The following CENPE variants were observed in gnomAD, a reference collection of about 807,000 sequenced individuals.
The protein encoded by CENPE is centromere protein E.
In CENPE, 145 loss-of-function variants were observed where a neutral mutation model predicts 336.1. That is an observed-to-expected ratio of 0.43 (90% CI 0.38 to 0.50). The LOEUF (loss-of-function observed/expected upper bound fraction) is 0.50. Among genes scored for constraint, CENPE ranks in the 20% least tolerant of loss-of-function variants. The pLI is 0.00. For missense variants in CENPE, 2,719 were observed against 3,023.3 expected, an observed-to-expected ratio of 0.90 and a Z score of 2.36; for synonymous variants, 1,013 against 984.8, an observed-to-expected ratio of 1.03 and a Z score of -0.54.
intron 8 of CENPE, among the ~76,000 whole-genome samples, chr4:103,191,655 G>C (rs1033725665): frequency 6.9e-6 from 1 of 144,478 alleles, no homozygotes; most frequent in African/African-American, 2.5e-5. Context: ...TTGTGGGGTG[G>C]GGGGAGGGGG....
Position 103,158,818 on chromosome 4 carries a change from T to C in CENPE, c.2670A>G (p.Glu890=), listed in dbSNP as rs1314690933. 6.2e-7 allele frequency: 1 copy of C among 1,612,854 alleles called. No individual in the cohort carries two copies. The highest frequency in any genetic ancestry group is 1.3e-5 in the African/African-American group (1 of 74,858). The change falls in exon 23 of 49, where the codon GAA becomes GAG. Residue 890 remains glutamate, a synonymous_variant. Coordinates refer to ENST00000265148, the MANE Select transcript of CENPE (RefSeq NM_001813.3). ...REVQERLNEM[E]QLKEQLENRD... Reference sequence around the variant, plus strand: ...TATTTTCTAATTGTTCCTTCAGCTGTTCCATCTCATTTAGTCTTTCTTGAA... The same window carrying C: ...TATTTTCTAATTGTTCCTTCAGCTGCTCCATCTCATTTAGTCTTTCTTGAA...
intron 45 of CENPE, among the ~76,000 whole-genome samples, chr4:103,115,267 G>C (rs1749987448): frequency 6.6e-6 from 1 of 151,946 alleles, no homozygotes; most frequent in South Asian, 2.1e-4. Context: ...CTGAGTAGCT[G>C]GGATTACAGG....
In CENPE at chr4:103,158,413, T is replaced by G. The variant is rs1754137854; in HGVS notation, c.2920A>C (p.Lys974Gln). 1.2e-6 allele frequency: 2 copies of G among 1,604,516 alleles called. No individual in the cohort carries two copies. Among genetic ancestry groups the G allele is most frequent in the Admixed American group, 3.4e-5 (2 of 59,312 alleles). The change falls in exon 24 of 49, where the codon AAA becomes CAA. Residue 974 changes from lysine (K) to glutamine (Q), a missense_variant. Physicochemically the swap from Lys to Gln is moderately conservative, Grantham distance 53. This residue lies in a region of CENPE where 2,437 missense variants were observed against 2,513.3 expected (regional missense o/e 0.97). Transcript: ENST00000265148. ...EQLRNALESL[K>Q]QHQETINTLK... ...GTATTAATTGTTTCTTGATGTTGTT[T>G]CAGAGACTCAAGAGCATTTCGTAAT...
chr4:103,142,049 C>T (rs991933962), intron 34 of CENPE, 141 bp from the exon 35 acceptor site: 2 of 579,784 alleles, frequency 3.4e-6, no homozygotes, highest in African/African-American at 2.0e-5. Context: ...CAGGCTTTCT[C>T]TTCCCTGTCC....
chr4:103,170,202 G>A (rs181325678), intron 16 of CENPE, among the ~76,000 whole-genome samples: 13 of 152,232 alleles, frequency 8.5e-5, no homozygotes, highest in Non-Finnish European at 1.2e-4. Context: ...GTTAATGGGT[G>A]CAGCACACCA....
intron 10 of CENPE, 41 bp downstream of exon 10, chr4:103,183,160 T>A: frequency 7.0e-7 from 1 of 1,438,316 alleles, no homozygotes; most frequent in Non-Finnish European, 9.7e-7. Context: ...TAATGAAAAA[T>A]ATAAGAATCA....
rs11315612 is a variant in CENPE, at chr4:103,163,608, C to CAAAAAAAAAAAAAAA, written c.1648-70_1648-56dup. 310 of 304,120 alleles carry CAAAAAAAAAAAAAAA rather than the reference C, an allele frequency of 1.0e-3. 2 individuals are homozygous for CAAAAAAAAAAAAAAA. The highest frequency in any genetic ancestry group is 1.7e-3 in the African/African-American group (54 of 32,512). 18.8% of individuals were successfully genotyped at this position (304,120 alleles called of 1,614,324 possible). ...CAAACCAATAGTTAATAAAGCAAAG[C>CAAAAAAAAAAAAAAA]AAAAAAAAAAAAAAAAAGAAAAAGA... On this transcript the variant is annotated intron_variant, in intron 16 of 48. Coordinates refer to ENST00000265148, the MANE Select transcript of CENPE (RefSeq NM_001813.3).
intron 1 of CENPE, 108 bp from the exon 2 acceptor site, chr4:103,196,958 T>G: frequency 1.5e-6 from 1 of 669,412 alleles, no homozygotes; most frequent in Non-Finnish European, 2.7e-6. Context: ...GATAGTAACA[T>G]AAGAGAATGA....
At chr4:103,132,960 T>TATATATATATATATATATATATATATATA (rs1751723895) in intron 41 of CENPE, 64 bp from the exon 42 acceptor site, 3 of 144,278 alleles carry the variant, frequency 2.1e-5, no homozygotes, top group Admixed American at 8.7e-5. Flanking sequence ...AATATTTTAT[T>TATATATATATATATATATATATATATATA]TATATATATA....
intron 45 of CENPE, among the ~76,000 whole-genome samples, chr4:103,116,173 T>A (rs979340073): frequency 5.9e-5 from 9 of 151,908 alleles, no homozygotes; most frequent in Non-Finnish European, 1.3e-4. Flanking sequence ...AAAGGAAATA[T>A]AATCTTCACA....
At chr4:103,145,754 TC>T (rs1474324912) in intron 30 of CENPE, 73 bp from the exon 31 acceptor site, 3 of 1,513,068 alleles carry the variant, frequency 2.0e-6, no homozygotes, top group Non-Finnish European at 2.7e-6. Context: ...AACTCCCCTT[TC>T]CAAATATTTA....
chr4:103,174,835 T>C lies in CENPE; in HGVS notation c.1548A>G (p.Gln516=). The C allele has an allele frequency of 6.5e-7, 1 of 1,545,796 alleles. No homozygotes were observed. The highest frequency in any genetic ancestry group is 1.2e-5 in the South Asian group (1 of 80,976). The change falls in exon 16 of 49, where the codon CAA becomes CAG. Residue 516 remains glutamine (Q), a synonymous_variant. Transcript: ENST00000265148. ...CCATTTCTTCTTTTTCTGTTCGTAGTTGTTCATAGTCTAATACCAGATTAT... is the reference window on the plus strand; with the variant it reads ...CCATTTCTTCTTTTTCTGTTCGTAGCTGTTCATAGTCTAATACCAGATTAT... ...DYDNLVLDYE[Q]LRTEKEEMEL...
In CENPE at chr4:103,150,151, C is replaced by T. The variant is rs77748350; in HGVS notation, c.3397-743G>A. Among the ~76,000 whole-genome samples, 121 of 152,226 alleles carry T rather than the reference C, an allele frequency of 7.9e-4. 1 individual carries two copies. Among genetic ancestry groups the T allele is most frequent in the African/African-American group, 2.8e-3 (115 of 41,520 alleles). On this transcript the variant is annotated intron_variant, in intron 26 of 48. Transcript: ENST00000265148. ...CAATAAGATGCTTATGGGTGGCTCCCCCAAATACTGAGACATTAACCTTCA... is the reference window on the plus strand; with the variant it reads ...CAATAAGATGCTTATGGGTGGCTCCTCCAAATACTGAGACATTAACCTTCA...
chr4:103,106,225 C>T lies in CENPE; in HGVS notation c.8103G>A (p.Gln2701=). ...CAGAGAAGTGACAAAGAGGAGTCTA[C>T]TGAGTTTTGCACTCAGGCACATCCT... is the stretch of plus-strand genomic sequence containing the variant. ...SGKDVPECKT[Q] is the part of the protein sequence containing the mutation. The change falls in exon 49 of 49, where the codon CAG becomes CAA. Residue 2701 remains glutamine, a synonymous_variant. Coordinates refer to ENST00000265148, the MANE Select transcript of CENPE (RefSeq NM_001813.3). 1 of 1,568,394 alleles carries T rather than the reference C, an allele frequency of 6.4e-7. No individual in the cohort carries two copies.
rs531865879 is a variant in CENPE at position 103,134,071 on chromosome 4, G to A, written c.6523-179C>T. On this transcript the variant is annotated intron_variant, in intron 40 of 48. Coordinates refer to ENST00000265148, the MANE Select transcript of CENPE (RefSeq NM_001813.3). ...AGTTTTTCCTCTTAGTATCTTAGGA[G>A]AATAACTAACTCCCAGACCTATAAT... Among the ~76,000 whole-genome samples, 41 of 152,184 alleles carry A rather than the reference G, an allele frequency of 2.7e-4. No individual in the cohort carries two copies. In the South Asian group the frequency reaches 6.0e-3, roughly 22 times the overall value.
At chr4:103,189,589 C>G (rs1757118146) in intron 8 of CENPE, among the ~76,000 whole-genome samples, 1 of 152,176 alleles carries the variant, frequency 6.6e-6, no homozygotes, top group African/African-American at 2.4e-5. Flanking sequence ...CAAAATTCAA[C>G]AACACTTCAT....
At chr4:103,178,732 A>G (rs1177823433) in intron 13 of CENPE, among the ~76,000 whole-genome samples, 1 of 152,084 alleles carries the variant, frequency 6.6e-6, no homozygotes. Context: ...CCTCCCTGAA[A>G]TATTCTCTCC....
At chr4:103,170,919 A>G (rs1288416332) in intron 16 of CENPE, among the ~76,000 whole-genome samples, 1 of 152,176 alleles carries the variant, frequency 6.6e-6, no homozygotes, top group African/African-American at 2.4e-5. Context: ...ACTTTACATC[A>G]AAAACTGTGA....
intron 42 of CENPE, among the ~76,000 whole-genome samples, chr4:103,131,211 T>G (rs1322294387): frequency 1.3e-5 from 2 of 152,070 alleles, no homozygotes; most frequent in African/African-American, 4.8e-5. Flanking sequence ...AGACCAATAT[T>G]CAAAGTATAC....
Sources: gnomAD v4.1 joint callset for allele counts (sites outside exome capture counted in the v4.1 genomes callset) on GRCh38, gnomAD v4.1.1 for gene constraint, gnomAD v4.1.1 regional missense constraint, MANE v1.5 for transcripts, NCBI Gene and HGNC (gene_info 2026-07-23, HGNC 2026-07-21) for gene names.